Variants in GPR107 observed in about 807,000 individuals in gnomAD.
GPR107 encodes the protein protein GPR107.
Under a neutral mutation model 75.5 loss-of-function variants are expected in GPR107, and 31 were observed. That is an observed-to-expected ratio of 0.41 (90% CI 0.31 to 0.55). GPR107 has a LOEUF of 0.55. Ranked by LOEUF, GPR107 falls within the 20% of genes least tolerant of loss-of-function variation. The pLI, the probability that GPR107 is intolerant of heterozygous loss-of-function variation, is 0.26. For synonymous variants in GPR107, 267 were observed against 251.3 expected, an observed-to-expected ratio of 1.06 and a Z score of -0.59; for missense variants, 572 against 665.7, an observed-to-expected ratio of 0.86 and a Z score of 1.55.
rs1832059349 is a variant in GPR107, at chr9:130,139,919, T to C, written c.*4798T>C. 1 of 152,220 alleles carries C rather than the reference T, an allele frequency of 6.6e-6. No homozygotes were observed. Among genetic ancestry groups the C allele is most frequent in the Non-Finnish European group, 1.5e-5 (1 of 68,040 alleles). The allele number at this position is 152,220 out of a possible 1,614,324, so 9.4% of individuals were successfully genotyped here. ...GTGTGACCTCAAAAGAAGTCAGACA[T>C]ATTTAATCCAGAAATAGTTTCGTTT... On this transcript the variant is annotated 3_prime_UTR_variant, in exon 18 of 18. Coordinates refer to ENST00000347136, the MANE Select transcript of GPR107 (RefSeq NM_020960.5).
intron 9 of GPR107, among the ~76,000 whole-genome samples, chr9:130,096,239 A>G (rs1036446925): frequency 1.2e-4 from 19 of 152,114 alleles, no homozygotes; most frequent in Admixed American, 2.0e-4. Context: ...GTTCCAGGCT[A>G]TTCTGGCCTT....
intron 1 of GPR107, among the ~76,000 whole-genome samples, chr9:130,063,774 A>G (rs1272486172): frequency 6.9e-6 from 1 of 145,928 alleles, no homozygotes; most frequent in African/African-American, 2.5e-5. Context: ...TCCCTTTACT[A>G]CTACTGTATA....
intron 14 of GPR107, among the ~76,000 whole-genome samples, chr9:130,111,719 T>C (rs1024195988): frequency 1.5e-4 from 3 of 19,658 alleles, no homozygotes; most frequent in African/African-American, 4.5e-4. Flanking sequence ...GTTTTCAGTT[T>C]TGGGGTGAAT....
In GPR107 at chr9:130,136,456, G is replaced by T. The variant is rs1831958873; in HGVS notation, c.*1335G>T. On this transcript the variant is annotated 3_prime_UTR_variant, in exon 18 of 18. Coordinates refer to ENST00000347136, the MANE Select transcript of GPR107 (RefSeq NM_020960.5). ...AATGCTTGGGGGGCCAGCTAGGTAG[G>T]GTTGCTTCCAAAAGCTGGAGCCCAC... is the stretch of plus-strand genomic sequence containing the variant. 1 of 152,208 alleles carries T rather than the reference G, an allele frequency of 6.6e-6. No homozygotes were observed. Among genetic ancestry groups the T allele is most frequent in the African/African-American group, 2.4e-5 (1 of 41,452 alleles). The allele number at this position is 152,208 out of a possible 1,614,324, so 9.4% of individuals were successfully genotyped here.
intron 9 of GPR107, among the ~76,000 whole-genome samples, chr9:130,098,576 T>G (rs1045773604): frequency 6.6e-6 from 1 of 152,192 alleles, no homozygotes; most frequent in African/African-American, 2.4e-5. Context: ...TGTGTTAGAT[T>G]TCCATTTACT....
intron 5 of GPR107, among the ~76,000 whole-genome samples, chr9:130,082,778 C>T (rs1047774961): frequency 6.6e-6 from 1 of 151,894 alleles, no homozygotes; most frequent in Non-Finnish European, 1.5e-5. Context: ...CGCACCCAGC[C>T]CAAGAATATC....
intron 17 of GPR107, chr9:130,129,592 C>G (rs1410283119): frequency 6.6e-6 from 1 of 152,514 alleles, no homozygotes; most frequent in East Asian, 1.9e-4. Flanking sequence ...GTCCTGCCAG[C>G]GGGCGCCAAA....
At chr9:130,124,994 T>C in intron 15 of GPR107, 30 bp downstream of exon 15, 3 of 1,123,894 alleles carry the variant, frequency 2.7e-6, no homozygotes, top group Non-Finnish European at 3.8e-6. Context: ...ATCCTCAATC[T>C]ATAAATAAAA....
chr9:130,084,775 CA>C (rs143763501), intron 6 of GPR107, among the ~76,000 whole-genome samples: 4,323 of 118,538 alleles, frequency 0.036, 72 homozygotes, highest in Middle Eastern at 0.058. Flanking sequence ...GACCCTGTCT[CA>C]AAAAAAAAAA....
chr9:130,083,463 G>T, intron 5 of GPR107, 102 bp from the exon 6 acceptor site: 1 of 591,264 alleles, frequency 1.7e-6, no homozygotes, highest in Non-Finnish European at 2.8e-6. Flanking sequence ...TTAATTATTT[G>T]ATATTAGACA....
chr9:130,091,526 C>CTT lies in GPR107; in HGVS notation c.729+561_729+562dup, dbSNP rs375016486. ...TTGTGTGGTTATTTGCTGGTACTCA[C>CTT]TTTTTTTTTTTTTTTTTTTGAGATG... is the stretch of plus-strand genomic sequence containing the variant. On this transcript the variant is annotated intron_variant, in intron 8 of 17. Transcript: ENST00000347136. 3.8e-3 allele frequency among the ~76,000 whole-genome samples: 470 copies of CTT among 123,176 alleles called. 6 individuals carry two copies. The highest frequency in any genetic ancestry group is 8.5e-3 in the Middle Eastern group (2 of 236). The allele number at this position is 123,176 out of a possible 152,430, so 80.8% of individuals were successfully genotyped here.
At chr9:130,056,920 T>C (rs1422437792) in intron 1 of GPR107, among the ~76,000 whole-genome samples, 4 of 67,322 alleles carry the variant, frequency 5.9e-5, no homozygotes, top group South Asian at 1.1e-3. Flanking sequence ...GCGAGACTCC[T>C]TCTCAAAAAA....
chr9:130,107,865 T>G (rs540348664), intron 14 of GPR107, among the ~76,000 whole-genome samples: 2 of 152,334 alleles, frequency 1.3e-5, no homozygotes, highest in East Asian at 3.9e-4. Flanking sequence ...AGATAACACT[T>G]CGCTGTGAGA....
At chr9:130,101,455 G>A (rs1253564275) in intron 12 of GPR107, among the ~76,000 whole-genome samples, 1 of 152,272 alleles carries the variant, frequency 6.6e-6, no homozygotes, top group Non-Finnish European at 1.5e-5. Flanking sequence ...ATTTTGAGTA[G>A]AGAGCTGCTG....
intron 9 of GPR107, 58 bp from the exon 10 acceptor site, chr9:130,099,399 T>C (rs941465475): frequency 7.5e-5 from 70 of 937,646 alleles, no homozygotes; most frequent in Non-Finnish European, 1.1e-4. Context: ...TCTGGAGCTT[T>C]GGCTGTCCTT....
intron 6 of GPR107, among the ~76,000 whole-genome samples, chr9:130,084,765 G>T (rs1254143306): frequency 6.7e-6 from 1 of 149,248 alleles, no homozygotes; most frequent in South Asian, 2.1e-4. Flanking sequence ...GACAGAGTGA[G>T]ACCCTGTCTC....
chr9:130,110,317 C>T (rs1224766183), intron 14 of GPR107: 9 of 1,077,228 alleles, frequency 8.4e-6, no homozygotes, highest in African/African-American at 6.2e-5. Flanking sequence ...TTAACAGGAA[C>T]GCTTTTGTCA....
intron 9 of GPR107, among the ~76,000 whole-genome samples, chr9:130,096,577 C>T (rs1198465936): frequency 6.7e-6 from 1 of 149,444 alleles, no homozygotes; most frequent in Non-Finnish European, 1.5e-5. Flanking sequence ...AAGCAATTCT[C>T]GTGCTTCAGC....
chr9:130,064,185 C>CTTTTTT lies in GPR107; in HGVS notation c.141+10130_141+10135dup, dbSNP rs1045833413. Among the ~76,000 whole-genome samples, 190 of 82,566 alleles carry CTTTTTT rather than the reference C, an allele frequency of 2.3e-3. 10 individuals carry two copies. Among genetic ancestry groups the CTTTTTT allele is most frequent in the Non-Finnish European group, 2.7e-3 (121 of 45,394 alleles). 54.2% of individuals were successfully genotyped at this position (82,566 alleles called of 152,430 possible). On this transcript the variant is annotated intron_variant, in intron 1 of 17. Coordinates refer to ENST00000347136, the MANE Select transcript of GPR107 (RefSeq NM_020960.5). ...GTATCTGAACTATAAAATAGCTTTTCTTTTTTTTTTTTTTTTTTTTTTTGA... is the reference window on the plus strand; with the variant it reads ...GTATCTGAACTATAAAATAGCTTTTCTTTTTTTTTTTTTTTTTTTTTTTTTTTTTGA...
Sources: allele counts gnomAD v4.1 joint callset (sites outside exome capture counted in the v4.1 genomes callset), GRCh38; gene constraint gnomAD v4.1.1; transcripts MANE v1.5; gene names NCBI Gene and HGNC (gene_info 2026-07-23, HGNC 2026-07-21).